Variants in REEP3 observed in about 807,000 individuals in gnomAD.
REEP3 encodes the protein receptor accessory protein 3.
A neutral mutation model predicts 41.3 loss-of-function variants in REEP3; 20 were observed. The ratio of observed to expected loss-of-function variants is 0.48; its 90% CI spans 0.34 to 0.70. The LOEUF (loss-of-function observed/expected upper bound fraction) is 0.70, where lower values mean the gene tolerates loss of function less well. Ranked by LOEUF, REEP3 falls within the 30% of genes least tolerant of loss-of-function variation. The pLI, the probability that REEP3 is intolerant of heterozygous loss-of-function variation, is 0.01. For synonymous variants in REEP3, 104 were observed against 101.8 expected, an observed-to-expected ratio of 1.02 and a Z score of -0.13; for missense variants, 271 against 308.8, an observed-to-expected ratio of 0.88 and a Z score of 0.92.
At chr10:63,527,635 C>G (rs1211975766) in intron 1 of REEP3, among the ~76,000 whole-genome samples, 1 of 152,004 alleles carries the variant, frequency 6.6e-6, no homozygotes, top group Admixed American at 6.6e-5. Context: ...GAGCCATGAG[C>G]ATGCCACTGC....
At chr10:63,564,685 T>G (rs1240639651) in intron 1 of REEP3, among the ~76,000 whole-genome samples, 1 of 151,908 alleles carries the variant, frequency 6.6e-6, no homozygotes, top group Non-Finnish European at 1.5e-5. Flanking sequence ...CTGTTTAGCT[T>G]GCAATTTTTT....
chr10:63,533,601 A>G (rs987947653), intron 1 of REEP3, among the ~76,000 whole-genome samples: 5 of 152,118 alleles, frequency 3.3e-5, no homozygotes, highest in Non-Finnish European at 1.5e-5. Flanking sequence ...TTTTGTAAAT[A>G]GAAATGATAA....
rs142531504 is a variant in REEP3, at chr10:63,596,171, C to T, written c.182+1317C>T. On this transcript the variant is annotated intron_variant, in intron 3 of 7. Coordinates refer to ENST00000373758, the MANE Select transcript of REEP3 (RefSeq NM_001001330.3). Reference sequence around the variant, plus strand: ...TTAACAACCTTCCCTTATTTGCAAACGTCACTGTATCTGTCTTCTGATTTG... The same window carrying T: ...TTAACAACCTTCCCTTATTTGCAAATGTCACTGTATCTGTCTTCTGATTTG... Among the ~76,000 whole-genome samples the T allele has an allele frequency of 7.9e-5, 12 of 152,092 alleles. No homozygotes were observed. The South Asian group carries it at 8.3e-4, about 11-fold the overall frequency.
intron 2 of REEP3, among the ~76,000 whole-genome samples, chr10:63,570,882 A>G (rs1955845753): frequency 2.0e-5 from 3 of 152,118 alleles, no homozygotes; most frequent in African/African-American, 7.2e-5. Context: ...TGGGAGGCTG[A>G]AGCAGGCTGA....
intron 5 of REEP3, among the ~76,000 whole-genome samples, chr10:63,602,219 A>G (rs183002662): frequency 7.9e-5 from 12 of 152,334 alleles, no homozygotes; most frequent in African/African-American, 2.2e-4. Flanking sequence ...CAGACTAAGG[A>G]TTTAACAACT....
intron 6 of REEP3, among the ~76,000 whole-genome samples, chr10:63,614,017 A>G (rs1442903526): frequency 6.6e-6 from 1 of 152,154 alleles, no homozygotes; most frequent in Admixed American, 6.6e-5. Context: ...AAAAACATAA[A>G]AAAGACAAAC....
chr10:63,578,074 G>A (rs926320722), intron 2 of REEP3, among the ~76,000 whole-genome samples: 3 of 151,890 alleles, frequency 2.0e-5, no homozygotes, highest in Non-Finnish European at 4.4e-5. Flanking sequence ...GTTACTCTGT[G>A]GTATGTATGT....
chr10:63,581,908 G>C (rs559319349), intron 2 of REEP3, among the ~76,000 whole-genome samples: 1 of 147,916 alleles, frequency 6.8e-6, no homozygotes, highest in African/African-American at 2.5e-5. Context: ...TCTTTTAAAT[G>C]ATGATGTGCC....
intron 5 of REEP3, among the ~76,000 whole-genome samples, chr10:63,607,818 T>C (rs1359130379): frequency 6.6e-6 from 1 of 152,232 alleles, no homozygotes; most frequent in Non-Finnish European, 1.5e-5. Context: ...TTGTGAGGTA[T>C]ATCCCAAGAG....
At chr10:63,531,238 A>G (rs1388835005) in intron 1 of REEP3, among the ~76,000 whole-genome samples, 1 of 152,248 alleles carries the variant, frequency 6.6e-6, no homozygotes, top group African/African-American at 2.4e-5. Flanking sequence ...ATAGCCATTC[A>G]TAATTATTTT....
At chr10:63,559,615 C>T (rs539197519) in intron 1 of REEP3, among the ~76,000 whole-genome samples, 12 of 152,150 alleles carry the variant, frequency 7.9e-5, no homozygotes, top group South Asian at 2.1e-4. Flanking sequence ...TGAATGCAGC[C>T]GACAGACTTA....
chr10:63,546,921 C>T (rs764649336), intron 1 of REEP3, among the ~76,000 whole-genome samples: 7 of 151,552 alleles, frequency 4.6e-5, no homozygotes, highest in Non-Finnish European at 8.8e-5. Flanking sequence ...AAAACTTCTT[C>T]GTGACTTTTT....
intron 2 of REEP3, among the ~76,000 whole-genome samples, chr10:63,585,661 A>G (rs999651316): frequency 1.3e-5 from 2 of 152,186 alleles, no homozygotes; most frequent in African/African-American, 2.4e-5. Context: ...TTTTTATTAT[A>G]CAAGTGTAAA....
At position 63,619,918 on chromosome 10, in the gene REEP3, A is replaced by ATTTT. The variant is rs71463534; in HGVS notation, c.711+141_711+144dup. 2.6e-4 allele frequency: 65 copies of ATTTT among 249,972 alleles called. 1 individual carries two copies. Among genetic ancestry groups the ATTTT allele is most frequent in the African/African-American group, 7.8e-4 (20 of 25,744 alleles). 15.5% of individuals were successfully genotyped at this position (249,972 alleles called of 1,614,324 possible). ...ATTGGAATGGTAGAACAGCAGTTTG[A>ATTTT]TTTTTTTTTTTTTTTTTTTTTTTTT... is the stretch of plus-strand genomic sequence containing the variant. On this transcript the variant is annotated intron_variant, in intron 7 of 7. Coordinates refer to ENST00000373758, the MANE Select transcript of REEP3 (RefSeq NM_001001330.3).
At chr10:63,603,742 C>T (rs1316266847) in intron 5 of REEP3, among the ~76,000 whole-genome samples, 1 of 152,184 alleles carries the variant, frequency 6.6e-6, no homozygotes, top group Non-Finnish European at 1.5e-5. Context: ...TTGGAGACCC[C>T]ATCCTGGAGT....
chr10:63,599,605 T>A, intron 5 of REEP3: 8 of 731,354 alleles, frequency 1.1e-5, no homozygotes, highest in Non-Finnish European at 1.3e-5. Context: ...TGTTTATTTC[T>A]CTGTCTTTGG....
intron 3 of REEP3, among the ~76,000 whole-genome samples, chr10:63,597,357 T>C (rs1299935296): frequency 6.6e-6 from 1 of 152,240 alleles, no homozygotes; most frequent in Non-Finnish European, 1.5e-5. Flanking sequence ...ACAACTATCA[T>C]ATGAGATAGG....
intron 6 of REEP3, among the ~76,000 whole-genome samples, chr10:63,613,208 C>T (rs2133431171): frequency 6.6e-6 from 1 of 152,218 alleles, no homozygotes; most frequent in South Asian, 2.1e-4. Flanking sequence ...GACGGGGTTT[C>T]ACCATGTTGG....
At chr10:63,608,856 T>C (rs1171029638) in intron 5 of REEP3, among the ~76,000 whole-genome samples, 1 of 152,240 alleles carries the variant, frequency 6.6e-6, no homozygotes, top group Non-Finnish European at 1.5e-5. Context: ...CACACAGCTA[T>C]TGAACATTTG....
Sources: allele counts gnomAD v4.1 joint callset (sites outside exome capture counted in the v4.1 genomes callset), GRCh38; gene constraint gnomAD v4.1.1; transcripts MANE v1.5; gene names NCBI Gene and HGNC (gene_info 2026-07-23, HGNC 2026-07-21).